CCDC88C: variants seen among roughly 807,000 people sequenced by gnomAD.
The protein encoded by CCDC88C is protein Daple.
A neutral mutation model predicts 198.8 loss-of-function variants in CCDC88C; 131 were observed. That is an observed-to-expected ratio of 0.66 (90% CI 0.57 to 0.76). The LOEUF (loss-of-function observed/expected upper bound fraction) is 0.76, where lower values mean the gene tolerates loss of function less well. Ranked by LOEUF, CCDC88C falls within the 30% of genes least tolerant of loss-of-function variation. The pLI is 0.00. For synonymous variants in CCDC88C, 1,166 were observed against 1,114.7 expected, an observed-to-expected ratio of 1.05 and a Z score of -0.92; for missense variants, 2,553 against 2,631.6, an observed-to-expected ratio of 0.97 and a Z score of 0.65.
intron 10 of CCDC88C, among the ~76,000 whole-genome samples, chr14:91,334,085 A>G (rs2139848256): frequency 6.6e-6 from 1 of 152,324 alleles, no homozygotes; most frequent in Non-Finnish European, 1.5e-5. Context: ...TACCACCTAG[A>G]TGCTACAATG....
At chr14:91,361,581 C>A (rs563353043) in intron 3 of CCDC88C, among the ~76,000 whole-genome samples, 14 of 152,314 alleles carry the variant, frequency 9.2e-5, no homozygotes, top group African/African-American at 3.4e-4. Flanking sequence ...CACCAACCCC[C>A]CTCCACTCAG....
intron 1 of CCDC88C, chr14:91,417,143 G>A: frequency 1.4e-6 from 1 of 703,204 alleles, no homozygotes; most frequent in South Asian, 1.5e-5. Flanking sequence ...CAAATCCATT[G>A]TAAATCAGTG....
intron 3 of CCDC88C, chr14:91,379,755 C>T (rs1456496423): frequency 5.8e-6 from 4 of 691,572 alleles, no homozygotes; most frequent in Non-Finnish European, 1.1e-5. Flanking sequence ...GCAGCCACAC[C>T]CCGTGCCCGG....
Position 91,338,876 on chromosome 14 carries a change from G to T in CCDC88C, c.810-306C>A. The T allele has an allele frequency of 2.0e-6, 1 of 490,138 alleles. No individual in the cohort carries two copies. Among genetic ancestry groups the T allele is most frequent in the East Asian group, 3.9e-5 (1 of 25,860 alleles). 30.4% of individuals were successfully genotyped at this position (490,138 alleles called of 1,614,324 possible). ...CACCCCACAGCCAGGCTCCACAGGT[G>T]ACATCCATCAGCTGCAGGAAACCTG... On this transcript the variant is annotated intron_variant, in intron 8 of 29. Coordinates refer to ENST00000389857, the MANE Select transcript of CCDC88C (RefSeq NM_001080414.4). This position sits in a 1 kb window ranked among gnomAD's most constrained non-coding sequence, Gnocchi z 4.8.
At position 91,338,009 on chromosome 14, in the gene CCDC88C, A is replaced by T; in HGVS notation, c.1046T>A (p.Met349Lys). 6.2e-7 allele frequency: 1 copy of T among 1,611,176 alleles called. No homozygotes were observed. The highest frequency in any genetic ancestry group is 8.5e-7 in the Non-Finnish European group (1 of 1,179,852). ...LHDVDFYKAR[M>K]EELREDNIIL... is the part of the protein sequence containing the mutation. ...CCTCACAGCAAGGCTCCCTACCTCCATGCGGGCCTTGTAGAAGTCCACGTC... is the reference window on the plus strand; with the variant it reads ...CCTCACAGCAAGGCTCCCTACCTCCTTGCGGGCCTTGTAGAAGTCCACGTC... Residue 349 changes from methionine (M) to lysine (K), a missense_variant, in exon 10 of 30, where the codon ATG becomes AAG. This residue lies in a region of CCDC88C where 1,260 missense variants were observed against 1,412.0 expected (regional missense o/e 0.89). Coordinates refer to ENST00000389857, the MANE Select transcript of CCDC88C (RefSeq NM_001080414.4). This position sits in a 1 kb window ranked among gnomAD's most constrained non-coding sequence, Gnocchi z 4.8.
intron 16 of CCDC88C, among the ~76,000 whole-genome samples, chr14:91,309,364 A>G (rs1168601875): frequency 2.0e-5 from 3 of 152,128 alleles, no homozygotes; most frequent in African/African-American, 7.2e-5. Context: ...GCATTTTGGG[A>G]GGCTGAGGTG....
In CCDC88C at chr14:91,272,616, A is replaced by G. The variant is rs776906153; in HGVS notation, c.*9T>C. Reference sequence around the variant, plus strand: ...AGTTTTCAGGTTTGCGAGCTCAACCACGAGACAGTCACACACAGCCGTACT... The same window carrying G: ...AGTTTTCAGGTTTGCGAGCTCAACCGCGAGACAGTCACACACAGCCGTACT... On this transcript the variant is annotated 3_prime_UTR_variant, in exon 30 of 30. Transcript: ENST00000389857. The G allele has an allele frequency of 2.5e-6, 4 of 1,596,894 alleles. No individual in the cohort carries two copies. In the Admixed American group the frequency reaches 6.8e-5, roughly 27 times the overall value.
At chr14:91,358,100 GA>G (rs1894125105) in intron 4 of CCDC88C, among the ~76,000 whole-genome samples, 1 of 152,192 alleles carries the variant, frequency 6.6e-6, no homozygotes, top group Admixed American at 6.5e-5. Context: ...CTGGAGCCCA[GA>G]AAGAGCGCCC....
intron 15 of CCDC88C, 23 bp from the exon 16 acceptor site, chr14:91,310,009 C>T (rs1169400063): frequency 6.4e-7 from 1 of 1,568,666 alleles, no homozygotes; most frequent in Non-Finnish European, 8.7e-7. Context: ...GGAGAGAGCA[C>T]TGGATAGGAG....
intron 3 of CCDC88C, among the ~76,000 whole-genome samples, chr14:91,397,240 G>A (rs1232880457): frequency 6.6e-6 from 1 of 152,064 alleles, no homozygotes; most frequent in Admixed American, 6.6e-5. Context: ...TGCCCAACAG[G>A]CCCAGGCAAG....
chr14:91,273,658 G>A lies in CCDC88C; in HGVS notation c.5059-5C>T, dbSNP rs1056870961. The A allele has an allele frequency of 1.2e-5, 17 of 1,459,704 alleles. No homozygotes were observed. Among genetic ancestry groups the A allele is most frequent in the African/African-American group, 1.4e-5 (1 of 69,788 alleles). The allele number at this position is 1,459,704 out of a possible 1,614,324, so 90.4% of individuals were successfully genotyped here. A position where few individuals can be genotyped will look rare whatever the true frequency, so the allele number is the denominator to read the frequency against. ...ATCCCGGCAACTGGGAGTGTCCTAC[G>A]GAGAAGAGAGTGAAGGTTGGAGGTG... On this transcript the variant is annotated splice_region_variant and splice_polypyrimidine_tract_variant and intron_variant, in intron 29 of 29. Coordinates refer to ENST00000389857, the MANE Select transcript of CCDC88C (RefSeq NM_001080414.4). The surrounding 1 kb of genome is among the most constrained non-coding windows in gnomAD (Gnocchi z 5.6).
chr14:91,340,807 G>T (rs554055301), intron 6 of CCDC88C, among the ~76,000 whole-genome samples: 2 of 152,112 alleles, frequency 1.3e-5, no homozygotes, highest in African/African-American at 4.8e-5. Context: ...AAAAAACTCA[G>T]CTTGAGCAAC....
chr14:91,288,300 T>C lies in CCDC88C; in HGVS notation c.4441+805A>G, dbSNP rs192261055. ...CTGGCAAACTCCAAAGGACAGCCCT[T>C]AGGGAAAAGGCACAGTGTGTCCTGT... On this transcript the variant is annotated intron_variant, in intron 25 of 29. Coordinates refer to ENST00000389857, the MANE Select transcript of CCDC88C (RefSeq NM_001080414.4). The surrounding 1 kb of genome is among the most constrained non-coding windows in gnomAD (Gnocchi z 4.2). 7.4e-4 allele frequency among the ~76,000 whole-genome samples: 112 copies of C among 152,262 alleles called. No individual in the cohort carries two copies. The highest frequency in any genetic ancestry group is 2.6e-3 in the African/African-American group (107 of 41,554).
At chr14:91,340,619 C>T (rs1893278048) in intron 6 of CCDC88C, among the ~76,000 whole-genome samples, 1 of 152,074 alleles carries the variant, frequency 6.6e-6, no homozygotes, top group Non-Finnish European at 1.5e-5. Flanking sequence ...GACGCACACC[C>T]CCGGATCTGC....
At chr14:91,303,614 T>A in intron 20 of CCDC88C, 87 bp downstream of exon 20, 2 of 1,143,830 alleles carry the variant, frequency 1.7e-6, no homozygotes, top group Non-Finnish European at 2.3e-6. Flanking sequence ...CCCACCCATC[T>A]ACCCCAGGCC....
intron 3 of CCDC88C, among the ~76,000 whole-genome samples, chr14:91,367,010 T>C (rs192296780): frequency 1.1e-4 from 16 of 152,362 alleles, no homozygotes; most frequent in African/African-American, 3.8e-4. Context: ...TGGCAGAGGT[T>C]AGCTTCAGTA....
intron 4 of CCDC88C, among the ~76,000 whole-genome samples, chr14:91,348,071 G>C (rs536927605): frequency 2.0e-4 from 31 of 152,184 alleles, no homozygotes; most frequent in Admixed American, 1.7e-3. Context: ...AGTGGTGCAA[G>C]CTCAGCTCAC....
At chr14:91,407,109 C>G (rs528047028) in intron 3 of CCDC88C, among the ~76,000 whole-genome samples, 3 of 152,132 alleles carry the variant, frequency 2.0e-5, no homozygotes, top group African/African-American at 7.2e-5. Context: ...AGGAGGAGGA[C>G]GGAAACAACC....
chr14:91,368,313 CAAAAGTT>C (rs1894633101), intron 3 of CCDC88C, among the ~76,000 whole-genome samples: 2 of 152,178 alleles, frequency 1.3e-5, no homozygotes, highest in Admixed American at 1.3e-4. Flanking sequence ...TAGCTGTTAA[CAAAAGTT>C]AAAAACATTT....
Sources: gnomAD v4.1 joint callset for allele counts (sites outside exome capture counted in the v4.1 genomes callset) on GRCh38, gnomAD v4.1.1 for gene constraint, gnomAD v4.1.1 regional missense constraint, Gnocchi (gnomAD v3.1) non-coding constraint, MANE v1.5 for transcripts, NCBI Gene and HGNC (gene_info 2026-07-23, HGNC 2026-07-21) for gene names.